AMT: variants seen among roughly 807,000 people sequenced by gnomAD.
The protein encoded by AMT is aminomethyltransferase, mitochondrial.
A neutral mutation model predicts 39.5 loss-of-function variants in AMT; 24 were observed. That is an observed-to-expected ratio of 0.61 (90% CI 0.44 to 0.86). The LOEUF is 0.86. Among genes scored for constraint, AMT ranks in the 40% least tolerant of loss-of-function variants. The pLI is 0.00. For missense variants in AMT, 501 were observed against 537.0 expected, an observed-to-expected ratio of 0.93 and a Z score of 0.66; for synonymous variants, 210 against 212.1, an observed-to-expected ratio of 0.99 and a Z score of 0.09.
intron 3 of AMT, 136 bp downstream of exon 3, chr3:49,421,356 G>T (rs1303560661): frequency 2.7e-6 from 2 of 730,880 alleles, no homozygotes; most frequent in African/African-American, 3.5e-5. Flanking sequence ...AATGACTCAG[G>T]GATTCTGTCC....
intron 7 of AMT, chr3:49,418,753 C>T (rs1001504672): frequency 1.8e-6 from 1 of 567,314 alleles, no homozygotes; most frequent in Non-Finnish European, 3.2e-6. Flanking sequence ...GATCCACCCG[C>T]CTCGGCCTCC....
chr3:49,420,392 C>A (rs2049079893), intron 3 of AMT, 50 bp from the exon 4 acceptor site: 1 of 1,613,062 alleles, frequency 6.2e-7, no homozygotes, highest in Admixed American at 1.7e-5. Context: ...AGGGCAAGGC[C>A]AAGGGTGAGC....
intron 7 of AMT, 77 bp from the exon 8 acceptor site, chr3:49,418,050 G>A: frequency 6.6e-7 from 1 of 1,511,680 alleles, no homozygotes; most frequent in Non-Finnish European, 8.9e-7. Context: ...AGGTCCTCAA[G>A]TAACACACTA....
At chr3:49,422,074 T>A (rs1419502523) in intron 2 of AMT, 30 bp downstream of exon 2, 5 of 1,612,918 alleles carry the variant, frequency 3.1e-6, no homozygotes, top group Non-Finnish European at 4.2e-6. Context: ...GAAGGCCTGA[T>A]CAGATGGCCA....
rs1342940505 is a variant in AMT at position 49,418,981 on chromosome 3, A to G, written c.867T>C (p.Ser289=). 2.5e-6 allele frequency: 4 copies of G among 1,613,818 alleles called. No individual in the cohort carries two copies. Among genetic ancestry groups the G allele is most frequent in the East Asian group, 2.2e-5 (1 of 44,866 alleles). ...EHTTPVEGSL[S]WTLGKRRRAA... Reference sequence around the variant, plus strand: ...GCTGGCCCAGCTCACCCAGTGTCCAACTGAGGCTGCCCTCCACAGGTGTAG... The same window carrying G: ...GCTGGCCCAGCTCACCCAGTGTCCAGCTGAGGCTGCCCTCCACAGGTGTAG... Residue 289 remains serine (S), a synonymous_variant, in exon 7 of 9, where the codon AGT becomes AGC. Coordinates refer to ENST00000273588, the MANE Select transcript of AMT (RefSeq NM_000481.4).
At chr3:49,419,660 T>G in intron 5 of AMT, 50 bp downstream of exon 5, 1 of 1,575,624 alleles carries the variant, frequency 6.3e-7, no homozygotes, top group Non-Finnish European at 8.7e-7. Context: ...AAGCAGTCAA[T>G]GAAGCCAGGA....
Position 49,419,757 on chromosome 3 carries a change from C to G in AMT, c.503G>C (p.Arg168Thr), listed in dbSNP as rs200058579. 16 of 1,614,176 alleles carry G rather than the reference C, an allele frequency of 9.9e-6. No individual in the cohort carries two copies. Among genetic ancestry groups the G allele is most frequent in the Admixed American group, 1.7e-5 (1 of 60,020 alleles). ...ATCCAACACCTCCAGGCCCACATCT[C>G]TGCCCTGGTTCTGAAGCTCCCTGAC... ...DKVRELQNQG[R>T]DVGLEVLDNA... The change falls in exon 5 of 9, where the codon AGA becomes ACA. Residue 168 changes from arginine to threonine, a missense_variant. By Grantham distance (71) the Arg-to-Thr change is moderately conservative (BLOSUM62 -1). Coordinates refer to ENST00000273588, the MANE Select transcript of AMT (RefSeq NM_000481.4).
At chr3:49,420,668 C>T (rs773845304) in intron 3 of AMT, 24 of 377,460 alleles carry the variant, frequency 6.4e-5, no homozygotes, top group Admixed American at 2.2e-4. Flanking sequence ...AAACCTGGGA[C>T]GACTTAGCCC....
Position 49,417,968 on chromosome 3 carries a change from G to C in AMT, c.883C>G (p.Arg295Gly). The part of the protein sequence containing the change: ...EGSLSWTLGK[R>G]RRAAMDFPGA... The stretch of plus-strand genomic sequence containing the variant: ...GGGAAGTCCATAGCAGCTCGGCGGC[G>C]CTTCCCTGGAGAATGACACATGAGA... The change falls in exon 8 of 9, where the codon CGC (arginine) becomes GGC (glycine). Residue 295 changes from arginine (R) to glycine (G), a missense_variant. By Grantham distance (125) the Arg-to-Gly change is moderately radical. Transcript: ENST00000273588. The C allele has an allele frequency of 1.2e-6, 2 of 1,609,410 alleles. No individual in the cohort carries two copies. Among genetic ancestry groups the C allele is most frequent in the South Asian group, 2.2e-5 (2 of 90,732 alleles).
chr3:49,419,844 G>A (rs2049068924), intron 4 of AMT, 56 bp from the exon 5 acceptor site: 9 of 1,505,474 alleles, frequency 6.0e-6, no homozygotes, highest in Non-Finnish European at 7.4e-6. Context: ...GCTACCATGG[G>A]CTGGACGCTG....
At chr3:49,420,541 C>A in intron 3 of AMT, 199 bp from the exon 4 acceptor site, 1 of 713,498 alleles carries the variant, frequency 1.4e-6, no homozygotes, top group Non-Finnish European at 2.3e-6. Flanking sequence ...TCATCCCCTC[C>A]CTACCTTGGG....
At chr3:49,420,728 A>T in intron 3 of AMT, 1 of 329,432 alleles carries the variant, frequency 3.0e-6, no homozygotes, top group Non-Finnish European at 6.0e-6. Context: ...TGATGATCGC[A>T]GGCTCTCCTA....
Position 49,417,645 on chromosome 3 carries a change from G to A in AMT, c.1107C>T (p.Tyr369=), listed in dbSNP as rs1400852829. The change falls in exon 9 of 9, where the codon TAC becomes TAT. Residue 369 remains tyrosine (Y), a synonymous_variant. Transcript: ENST00000273588. ...NVAMGYVPCE[Y]SRPGTMLLVE... ...CCAGCAGCATTGTCCCTGGACGACTGTACTCGCAGGGCACATAACCCATCG... is the reference window on the plus strand; with the variant it reads ...CCAGCAGCATTGTCCCTGGACGACTATACTCGCAGGGCACATAACCCATCG... 1.2e-6 allele frequency: 2 copies of A among 1,613,992 alleles called. No homozygotes were observed. Among genetic ancestry groups the A allele is most frequent in the Non-Finnish European group, 1.7e-6 (2 of 1,180,022 alleles).
chr3:49,418,340 G>A lies in AMT; in HGVS notation c.878-367C>T, dbSNP rs1303687084. 1.2e-5 allele frequency: 4 copies of A among 321,698 alleles called. No individual in the cohort carries two copies. In the East Asian group the frequency reaches 2.4e-4, roughly 19 times the overall value. The allele number at this position is 321,698 out of a possible 1,614,324, so 19.9% of individuals were successfully genotyped here. A position where few individuals can be genotyped will look rare whatever the true frequency, so the allele number is the denominator to read the frequency against. On this transcript the variant is annotated intron_variant, in intron 7 of 8. Transcript: ENST00000273588. ...TGGGATAACAGGCACCCGCCACCAC[G>A]CCTGGCTAATTTTTATATTTTCAGT... is the stretch of plus-strand genomic sequence containing the variant.
intron 3 of AMT, chr3:49,420,793 CA>C: frequency 4.3e-6 from 1 of 231,426 alleles, no homozygotes; most frequent in African/African-American, 2.2e-5. Context: ...ACTGGATGGA[CA>C]AAAAGCCTGA....
Position 49,420,339 on chromosome 3 carries a change from T to TC in AMT, c.342dup (p.Thr115AspfsTer15). ...GCCTCGTTGGTAAACAGCGACAGTGTCCCCTAGGACCAAAGTGGAGCGTTT... is the reference window on the plus strand; with the variant it reads ...GCCTCGTTGGTAAACAGCGACAGTGTCCCCCTAGGACCAAAGTGGAGCGTTT... On this transcript the variant is annotated frameshift_variant, in exon 4 of 9. Coordinates refer to ENST00000273588, the MANE Select transcript of AMT (RefSeq NM_000481.4). LOFTEE classifies it high-confidence loss of function. 1 of 1,614,054 alleles carries TC rather than the reference T, an allele frequency of 6.2e-7. No individual in the cohort carries two copies. Among genetic ancestry groups the TC allele is most frequent in the Non-Finnish European group, 8.5e-7 (1 of 1,179,992 alleles).
At chr3:49,420,806 G>A (rs898199126) in intron 3 of AMT, 1 of 225,450 alleles carries the variant, frequency 4.4e-6, no homozygotes, top group Non-Finnish European at 9.0e-6. Flanking sequence ...AAAGCCTGAG[G>A]TTGAGGGGGT....
At chr3:49,420,064 A>C in intron 4 of AMT, 147 bp downstream of exon 4, 1 of 1,111,054 alleles carries the variant, frequency 9.0e-7, no homozygotes, top group Non-Finnish European at 1.3e-6. Flanking sequence ...TGCTCCAGAG[A>C]GGGCCTGCTC....
rs772179698 is a variant in AMT at position 49,419,134 on chromosome 3, C to T, written c.714G>A (p.Ala238=). The change falls in exon 7 of 9, where the codon GCG becomes GCA. Residue 238 remains alanine (A), a synonymous_variant. Coordinates refer to ENST00000273588, the MANE Select transcript of AMT (RefSeq NM_000481.4). The part of the protein sequence containing the change: ...EDGVEISVPV[A]GAVHLATAIL... Reference sequence around the variant, plus strand: ...TAGCTGTTGCCAGGTGAACTGCCCCCGCTACCGGCACCGAGATCTGTATGA... The same window carrying T: ...TAGCTGTTGCCAGGTGAACTGCCCCTGCTACCGGCACCGAGATCTGTATGA... The T allele has an allele frequency of 1.0e-4, 169 of 1,613,904 alleles. No homozygotes were observed. Among genetic ancestry groups the T allele is most frequent in the Non-Finnish European group, 1.2e-4 (145 of 1,179,994 alleles).
Sources: gnomAD v4.1 joint callset for allele counts on GRCh38, gnomAD v4.1.1 for gene constraint, MANE v1.5 for transcripts, NCBI Gene and HGNC (gene_info 2026-07-23, HGNC 2026-07-21) for gene names.